The following EDIL3 variants were observed in gnomAD, a reference collection of about 807,000 sequenced individuals.
EDIL3 encodes EGF like and discoidin domains 3.
In EDIL3, 37 loss-of-function variants were observed where a neutral mutation model predicts 67.4. The observed-to-expected ratio is 0.55, with a 90% CI of 0.42 to 0.72. The LOEUF (loss-of-function observed/expected upper bound fraction) is 0.72. Among genes scored for constraint, EDIL3 ranks in the 30% least tolerant of loss-of-function variants. The probability of loss-of-function intolerance (pLI) is 0.00; values close to 1 mark genes in which losing one functional copy is unlikely to be tolerated. For synonymous variants in EDIL3, 195 were observed against 196.3 expected (o/e 0.99, Z 0.05); for missense variants, 527 against 586.3 (o/e 0.90, Z 1.04).
chr5:84,258,849 G>A (rs1580402714), intron 1 of EDIL3, among the ~76,000 whole-genome samples: 1 of 151,938 alleles, frequency 6.6e-6, no homozygotes, highest in Non-Finnish European at 1.5e-5. Context: ...CCTCTGTAAT[G>A]TCAGTTTATC....
chr5:84,371,538 C>A (rs1747855989), intron 1 of EDIL3, among the ~76,000 whole-genome samples: 1 of 144,620 alleles, frequency 6.9e-6, no homozygotes, highest in African/African-American at 2.5e-5. Context: ...GACCCCCTAC[C>A]AATATGAAAT....
chr5:84,288,646 C>T (rs1745855987), intron 1 of EDIL3, among the ~76,000 whole-genome samples: 1 of 152,074 alleles, frequency 6.6e-6, no homozygotes, highest in Admixed American at 6.6e-5. Context: ...GTTTGGAATG[C>T]TTTTGCTCCA....
At chr5:84,041,605 TAC>T (rs1430971647) in intron 9 of EDIL3, among the ~76,000 whole-genome samples, 6 of 148,156 alleles carry the variant, frequency 4.0e-5, no homozygotes, top group Non-Finnish European at 8.9e-5. Context: ...TATATGTATA[TAC>T]ACACATATAT....
At chr5:83,964,480 C>T (rs544812043) in intron 9 of EDIL3, among the ~76,000 whole-genome samples, 2 of 151,978 alleles carry the variant, frequency 1.3e-5, no homozygotes, top group South Asian at 2.1e-4. Flanking sequence ...CCTTTTGTTT[C>T]TATTTCAGGT....
intron 1 of EDIL3, among the ~76,000 whole-genome samples, chr5:84,314,969 A>G (rs1746481756): frequency 6.6e-6 from 1 of 152,128 alleles, no homozygotes; most frequent in African/African-American, 2.4e-5. Context: ...AGGAAGCATA[A>G]TGTGTGCTAC....
intron 9 of EDIL3, among the ~76,000 whole-genome samples, chr5:83,995,587 G>A (rs993801260): frequency 5.3e-5 from 8 of 151,792 alleles, no homozygotes; most frequent in Non-Finnish European, 1.0e-4. Context: ...ATTCAAACTC[G>A]GTCAGACATA....
At chr5:84,041,505 T>C (rs1746120981) in intron 9 of EDIL3, among the ~76,000 whole-genome samples, 1 of 150,628 alleles carries the variant, frequency 6.6e-6, no homozygotes, top group African/African-American at 2.4e-5. Flanking sequence ...CTATTTCTCA[T>C]TACAGAGCTT....
intron 9 of EDIL3, among the ~76,000 whole-genome samples, chr5:84,007,717 G>C (rs1322008985): frequency 6.6e-6 from 1 of 152,100 alleles, no homozygotes; most frequent in Non-Finnish European, 1.5e-5. Context: ...GAACAGTATG[G>C]AGATTCTTCA....
rs1441165459 is a variant in EDIL3, at chr5:84,384,589, G to A, written c.-215C>T. On this transcript the variant is annotated 5_prime_UTR_variant, in exon 1 of 11. Transcript: ENST00000296591. ...TTTCCTCCCCTTTTGCCTGCGCTCCGGCGCGCGGAGGTGGGTGAGCTCCGG... is the reference window on the plus strand; with the variant it reads ...TTTCCTCCCCTTTTGCCTGCGCTCCAGCGCGCGGAGGTGGGTGAGCTCCGG... 2.5e-5 allele frequency: 10 copies of A among 395,182 alleles called. No individual in the cohort carries two copies. Among genetic ancestry groups the A allele is most frequent in the Non-Finnish European group, 4.4e-5 (10 of 226,458 alleles). 24.5% of individuals were successfully genotyped at this position (395,182 alleles called of 1,614,324 possible).
At chr5:84,130,013 A>ATC (rs1419581357) in intron 5 of EDIL3, among the ~76,000 whole-genome samples, 5 of 152,100 alleles carry the variant, frequency 3.3e-5, no homozygotes, top group Admixed American at 1.3e-4. Context: ...TAAACAAAGG[A>ATC]TGTGTTTATT....
At chr5:84,033,704 T>TAAAAA (rs71605889) in intron 9 of EDIL3, among the ~76,000 whole-genome samples, 5 of 92,818 alleles carry the variant, frequency 5.4e-5, no homozygotes, top group East Asian at 3.3e-4. Context: ...ACATTGTCTC[T>TAAAAA]AAAAAAAAAA....
chr5:84,110,013 T>C (rs1747531253), intron 5 of EDIL3, among the ~76,000 whole-genome samples: 2 of 152,208 alleles, frequency 1.3e-5, no homozygotes, highest in South Asian at 4.1e-4. Flanking sequence ...CATACTTCTT[T>C]TTAGAGGACC....
intron 9 of EDIL3, among the ~76,000 whole-genome samples, chr5:84,039,556 TA>T (rs1746083339): frequency 6.6e-6 from 1 of 152,222 alleles, no homozygotes; most frequent in African/African-American, 2.4e-5. Context: ...AGCAGTCTGC[TA>T]AAATCATTAT....
intron 1 of EDIL3, among the ~76,000 whole-genome samples, chr5:84,349,388 T>C (rs76775922): frequency 9.1e-4 from 138 of 152,284 alleles, no homozygotes; most frequent in Middle Eastern, 6.8e-3. Context: ...CAAGTATTAA[T>C]AGATCAACCA....
intron 9 of EDIL3, among the ~76,000 whole-genome samples, chr5:84,002,349 C>A (rs942368484): frequency 6.6e-6 from 1 of 152,030 alleles, no homozygotes; most frequent in Non-Finnish European, 1.5e-5. Flanking sequence ...GGAAAAAAAA[C>A]TGAAAGTATT....
intron 6 of EDIL3, among the ~76,000 whole-genome samples, chr5:84,073,141 C>G (rs961578742): frequency 2.0e-5 from 3 of 152,234 alleles, no homozygotes; most frequent in Non-Finnish European, 4.4e-5. Flanking sequence ...TGACAAAATT[C>G]AACAACTCTT....
intron 10 of EDIL3, among the ~76,000 whole-genome samples, chr5:83,948,956 C>T (rs567216802): frequency 2.0e-5 from 3 of 151,772 alleles, no homozygotes; most frequent in African/African-American, 7.2e-5. Context: ...TACATTCTTC[C>T]GGATGTAATA....
rs544333969 is a variant in EDIL3 at position 83,995,215 on chromosome 5, G to T, written c.1138-31855C>A. ...CTAGAGACAACACTTCATTATGTTA[G>T]AAATCTATGATACCCTACAGACCAT... On this transcript the variant is annotated intron_variant, in intron 9 of 10. Coordinates refer to ENST00000296591, the MANE Select transcript of EDIL3 (RefSeq NM_005711.5). Among the ~76,000 whole-genome samples the T allele has an allele frequency of 4.7e-4, 71 of 151,494 alleles. 1 individual carries two copies. The highest frequency in any genetic ancestry group is 3.4e-3 in the Middle Eastern group (1 of 294).
At chr5:84,090,887 G>A (rs193128499) in intron 6 of EDIL3, among the ~76,000 whole-genome samples, 3 of 151,870 alleles carry the variant, frequency 2.0e-5, no homozygotes, top group Non-Finnish European at 2.9e-5. Flanking sequence ...GGCGGAGGTT[G>A]CAGTGAGCTG....
Sources: gnomAD v4.1 joint callset for allele counts (sites outside exome capture counted in the v4.1 genomes callset) on GRCh38, gnomAD v4.1.1 for gene constraint, MANE v1.5 for transcripts, NCBI Gene and HGNC (gene_info 2026-07-23, HGNC 2026-07-21) for gene names.